HS6ST3: variants seen among roughly 807,000 people sequenced by gnomAD.
HS6ST3 encodes the protein heparan sulfate 6-O-sulfotransferase 3.
Under a neutral mutation model 36.7 loss-of-function variants are expected in HS6ST3, and 12 were observed. The observed-to-expected ratio is 0.33, with a 90% CI of 0.21 to 0.53. The LOEUF (loss-of-function observed/expected upper bound fraction) is 0.53. Ranked by LOEUF, HS6ST3 falls within the 20% of genes least tolerant of loss-of-function variation. HS6ST3 has a pLI of 0.95. For synonymous variants in HS6ST3, 240 were observed against 257.5 expected, an observed-to-expected ratio of 0.93 and a Z score of 0.65; for missense variants, 584 against 640.9, an observed-to-expected ratio of 0.91 and a Z score of 0.96.
chr13:96,554,842 G>A (rs2056233844), intron 1 of HS6ST3, among the ~76,000 whole-genome samples: 1 of 152,020 alleles, frequency 6.6e-6, no homozygotes, highest in Admixed American at 6.6e-5. Flanking sequence ...GCTGAAGCAG[G>A]TGGATCACTT....
At chr13:96,601,731 G>A (rs1428450982) in intron 1 of HS6ST3, among the ~76,000 whole-genome samples, 1 of 152,022 alleles carries the variant, frequency 6.6e-6, no homozygotes, top group Non-Finnish European at 1.5e-5. Flanking sequence ...TCTCATTTTG[G>A]TAGACTATTT....
chr13:96,457,712 A>G lies in HS6ST3; in HGVS notation c.707+366143A>G, dbSNP rs192063968. Among the ~76,000 whole-genome samples, 36 of 152,244 alleles carry G rather than the reference A, an allele frequency of 2.4e-4. No individual in the cohort carries two copies. In the East Asian group the frequency reaches 7.0e-3, roughly 29 times the overall value. On this transcript the variant is annotated intron_variant, in intron 1 of 1. Coordinates refer to ENST00000376705, the MANE Select transcript of HS6ST3 (RefSeq NM_153456.4). ...CCTCTGCTGAATTTGATCAATAGGA[A>G]CATATTTCTGTATCAAGGAGAAGTG...
chr13:96,499,030 T>C (rs1269818621), intron 1 of HS6ST3, among the ~76,000 whole-genome samples: 1 of 10,900 alleles, frequency 9.2e-5, no homozygotes, highest in Non-Finnish European at 1.6e-3. Context: ...TGTTCACACA[T>C]TTTTTTTTTT....
At chr13:96,290,755 T>C (rs2054825764) in intron 1 of HS6ST3, among the ~76,000 whole-genome samples, 1 of 152,146 alleles carries the variant, frequency 6.6e-6, no homozygotes, top group Admixed American at 6.5e-5. Context: ...GCTTCCCACC[T>C]CTTTTAGCGA....
intron 1 of HS6ST3, among the ~76,000 whole-genome samples, chr13:96,714,118 G>A (rs541514167): frequency 1.2e-4 from 18 of 151,886 alleles, no homozygotes; most frequent in Non-Finnish European, 1.8e-4. Context: ...ATGACCTTAG[G>A]GTAGGGAGAG....
chr13:96,558,651 A>AT (rs199571201), intron 1 of HS6ST3, among the ~76,000 whole-genome samples: 2 of 130,322 alleles, frequency 1.5e-5, no homozygotes, highest in Non-Finnish European at 3.1e-5. Context: ...CCTTGTTGGA[A>AT]TTTTTTTTGT....
chr13:96,608,930 A>C (rs1179604728), intron 1 of HS6ST3, among the ~76,000 whole-genome samples: 1 of 151,276 alleles, frequency 6.6e-6, no homozygotes, highest in Non-Finnish European at 1.5e-5. Context: ...GTGTATGTGT[A>C]GATAGATAGA....
chr13:96,697,000 A>C (rs1390205871), intron 1 of HS6ST3, among the ~76,000 whole-genome samples: 8 of 152,206 alleles, frequency 5.3e-5, no homozygotes, highest in Non-Finnish European at 1.2e-4. Flanking sequence ...AAAAAAAAGC[A>C]CAGTAGAATA....
chr13:96,142,955 G>A (rs1036389535), intron 1 of HS6ST3, among the ~76,000 whole-genome samples: 11 of 151,900 alleles, frequency 7.2e-5, no homozygotes, highest in Non-Finnish European at 4.4e-5. Flanking sequence ...GAGCTTAATT[G>A]TATTTAAAAA....
At chr13:96,459,149 G>A (rs1258319963) in intron 1 of HS6ST3, among the ~76,000 whole-genome samples, 5 of 144,066 alleles carry the variant, frequency 3.5e-5, no homozygotes, top group African/African-American at 5.1e-5. Flanking sequence ...AAGCAGTGGA[G>A]CATTTACAAT....
chr13:96,304,679 T>TTTTCTTTCTTTCTTTCTTTC lies in HS6ST3; in HGVS notation c.707+213126_707+213145dup, dbSNP rs56363761. 3.6e-3 allele frequency among the ~76,000 whole-genome samples: 309 copies of TTTTCTTTCTTTCTTTCTTTC among 87,014 alleles called. 13 individuals are homozygous for TTTTCTTTCTTTCTTTCTTTC. Among genetic ancestry groups the TTTTCTTTCTTTCTTTCTTTC allele is most frequent in the African/African-American group, 0.012 (237 of 20,196 alleles). 57.1% of individuals were successfully genotyped at this position (87,014 alleles called of 152,430 possible). The stretch of plus-strand genomic sequence containing the variant: ...CTACATGAGAATCACTGTTGCATGT[T>TTTTCTTTCTTTCTTTCTTTC]TTTCTTTCTTTCTTTCTTTCTTTCT... On this transcript the variant is annotated intron_variant, in intron 1 of 1. Coordinates refer to ENST00000376705, the MANE Select transcript of HS6ST3 (RefSeq NM_153456.4).
At chr13:96,095,905 A>G (rs1157429088) in intron 1 of HS6ST3, among the ~76,000 whole-genome samples, 1 of 93,808 alleles carries the variant, frequency 1.1e-5, no homozygotes, top group African/African-American at 5.0e-5. Context: ...TGTGTGTGTT[A>G]TCAGGAAGAA....
chr13:96,349,408 CTTTG>C, intron 1 of HS6ST3, among the ~76,000 whole-genome samples: 1 of 151,838 alleles, frequency 6.6e-6, no homozygotes, highest in Non-Finnish European at 1.5e-5. Flanking sequence ...TCATATTGTT[CTTTG>C]TTTATTTCTC....
At chr13:96,732,792 G>A (rs1483372185) in intron 1 of HS6ST3, among the ~76,000 whole-genome samples, 1 of 151,670 alleles carries the variant, frequency 6.6e-6, no homozygotes, top group African/African-American at 2.4e-5. Flanking sequence ...CATGAGCATG[G>A]GATATCTTTC....
At chr13:96,726,694 C>A (rs1476131506) in intron 1 of HS6ST3, among the ~76,000 whole-genome samples, 1 of 152,102 alleles carries the variant, frequency 6.6e-6, no homozygotes, top group Non-Finnish European at 1.5e-5. Context: ...AACCATATTG[C>A]CCTCTACTAT....
intron 1 of HS6ST3, among the ~76,000 whole-genome samples, chr13:96,562,723 T>C (rs2056266874): frequency 6.6e-6 from 1 of 152,064 alleles, no homozygotes; most frequent in Non-Finnish European, 1.5e-5. Flanking sequence ...TCCTGTAAAA[T>C]AATCAGCTGT....
intron 1 of HS6ST3, among the ~76,000 whole-genome samples, chr13:96,181,915 G>A (rs530388634): frequency 6.6e-6 from 1 of 152,118 alleles, no homozygotes; most frequent in Non-Finnish European, 1.5e-5. Flanking sequence ...TTTTTACGCA[G>A]TAGTTAGCTT....
chr13:96,609,255 C>T (rs966049754), intron 1 of HS6ST3, among the ~76,000 whole-genome samples: 12 of 152,060 alleles, frequency 7.9e-5, no homozygotes, highest in Non-Finnish European at 1.6e-4. Flanking sequence ...CAGATGTGAG[C>T]CACCACGGCC....
chr13:96,817,420 C>T (rs16953597), intron 1 of HS6ST3, among the ~76,000 whole-genome samples: 3,728 of 152,206 alleles, frequency 0.024, 102 homozygotes, highest in East Asian at 0.098. Flanking sequence ...TTGAATGTAA[C>T]GTGTCAGAAG....
Sources: gnomAD v4.1 joint callset for allele counts (sites outside exome capture counted in the v4.1 genomes callset) on GRCh38, gnomAD v4.1.1 for gene constraint, MANE v1.5 for transcripts, NCBI Gene and HGNC (gene_info 2026-07-23, HGNC 2026-07-21) for gene names.